The following SNX7 variants were observed in gnomAD, a reference collection of about 807,000 sequenced individuals.
SNX7 encodes sorting nexin 7.
A neutral mutation model predicts 48.4 loss-of-function variants in SNX7; 35 were observed. The observed-to-expected ratio is 0.72, with a 90% CI of 0.55 to 0.96. The LOEUF is 0.96. Among genes scored for constraint, SNX7 ranks in the 40% least tolerant of loss-of-function variants. The probability of loss-of-function intolerance (pLI) is 0.00; values close to 1 mark genes in which losing one functional copy is unlikely to be tolerated. For missense variants in SNX7, 553 were observed against 548.9 expected (o/e 1.01, Z -0.07); for synonymous variants, 190 against 190.2 (o/e 1.00, Z 0.01).
At chr1:98,663,677 C>A (rs1649392292) in intron 1 of SNX7, among the ~76,000 whole-genome samples, 1 of 152,124 alleles carries the variant, frequency 6.6e-6, no homozygotes, top group Non-Finnish European at 1.5e-5. Flanking sequence ...GAATCTAGAT[C>A]TCCATGGCTC....
intron 8 of SNX7, among the ~76,000 whole-genome samples, chr1:98,746,307 G>A (rs1366912358): frequency 6.6e-6 from 1 of 151,964 alleles, no homozygotes; most frequent in African/African-American, 2.4e-5. Context: ...GTATATTTGT[G>A]GTATACATGA....
At chr1:98,670,393 A>G (rs1649786465) in intron 1 of SNX7, among the ~76,000 whole-genome samples, 1 of 152,182 alleles carries the variant, frequency 6.6e-6, no homozygotes. Flanking sequence ...TGAATATTAG[A>G]TTGCTCACAG....
intron 1 of SNX7, among the ~76,000 whole-genome samples, chr1:98,680,111 G>T (rs1570502075): frequency 6.6e-6 from 1 of 152,228 alleles, no homozygotes; most frequent in African/African-American, 2.4e-5. Context: ...AAATCTAGGT[G>T]GAGGTTCCTA....
At chr1:98,717,688 T>C (rs1321435123) in intron 7 of SNX7, among the ~76,000 whole-genome samples, 3 of 152,240 alleles carry the variant, frequency 2.0e-5, no homozygotes, top group East Asian at 1.9e-4. Context: ...TTAGGTTAAA[T>C]TGACCTGCCT....
intron 7 of SNX7, among the ~76,000 whole-genome samples, chr1:98,716,694 C>T (rs1389309846): frequency 6.6e-6 from 1 of 152,038 alleles, no homozygotes; most frequent in African/African-American, 2.4e-5. Flanking sequence ...ACTCTGTACT[C>T]CCTGATGTAT....
At chr1:98,759,617 A>G (rs1224639416) in intron 8 of SNX7, among the ~76,000 whole-genome samples, 4 of 152,212 alleles carry the variant, frequency 2.6e-5, no homozygotes, top group South Asian at 4.1e-4. Context: ...GGTAAGTACT[A>G]TTATTAACCT....
intron 6 of SNX7, among the ~76,000 whole-genome samples, chr1:98,700,547 T>C (rs1204059482): frequency 7.0e-6 from 1 of 142,384 alleles, no homozygotes; most frequent in East Asian, 2.0e-4. Context: ...CTTCCTTTGA[T>C]TTTTTTTTTT....
intron 7 of SNX7, among the ~76,000 whole-genome samples, chr1:98,702,546 C>G (rs1172699251): frequency 6.6e-6 from 1 of 151,792 alleles, no homozygotes; most frequent in African/African-American, 2.4e-5. Context: ...ATTATTTTAC[C>G]CATGGTATTT....
chr1:98,701,942 CA>C lies in SNX7; in HGVS notation c.1125+40del, dbSNP rs745367039. The stretch of plus-strand genomic sequence containing the variant: ...TTTCTTGATACAATCATATAGAATT[CA>C]TTGTCTAAAATTTTTATTAGCAATG... On this transcript the variant is annotated intron_variant, in intron 7 of 8. Coordinates refer to ENST00000306121, the MANE Select transcript of SNX7 (RefSeq NM_015976.5). 19 of 1,421,176 alleles carry C rather than the reference CA, an allele frequency of 1.3e-5. 1 individual carries two copies. The South Asian group carries it at 2.2e-4, about 17-fold the overall frequency. The allele number at this position is 1,421,176 out of a possible 1,614,324, so 88.0% of individuals were successfully genotyped here.
In SNX7 at chr1:98,661,911, G is replaced by A; in HGVS notation, c.180G>A (p.Lys60=). Residue 60 remains lysine (K), a splice_region_variant and synonymous_variant, in exon 1 of 9, where the codon AAG becomes AAA. Coordinates refer to ENST00000306121, the MANE Select transcript of SNX7 (RefSeq NM_015976.5). ...EDEDDLEVFS[K]DASLMDMNSF... ...AGGACGACCTGGAGGTGTTCAGCAA[G>A]GTGAGGGCGGCGGCGGCGAGTCCCG... 1.6e-6 allele frequency: 2 copies of A among 1,247,108 alleles called. No individual in the cohort carries two copies. The highest frequency in any genetic ancestry group is 4.1e-5 in the South Asian group (1 of 24,334). 77.3% of individuals were successfully genotyped at this position (1,247,108 alleles called of 1,614,324 possible).
intron 7 of SNX7, among the ~76,000 whole-genome samples, chr1:98,711,555 T>C (rs1398341046): frequency 2.6e-5 from 4 of 152,220 alleles, no homozygotes; most frequent in African/African-American, 9.6e-5. Flanking sequence ...TGCCATAGCA[T>C]TATGTGTAAA....
At chr1:98,661,323 C>T (rs1477284665), upstream of SNX7, among the ~76,000 whole-genome samples, 1 of 151,198 alleles carries the variant, frequency 6.6e-6, no homozygotes, top group Non-Finnish European at 1.5e-5. Flanking sequence ...GGGTCGGGTG[C>T]CTTCCAGCCT....
In SNX7 at chr1:98,684,952, A is replaced by G; in HGVS notation, c.248A>G (p.Asn83Ser). 6.3e-7 allele frequency: 1 copy of G among 1,599,558 alleles called. No individual in the cohort carries two copies. The highest frequency in any genetic ancestry group is 8.5e-7 in the Non-Finnish European group (1 of 1,171,948). The change falls in exon 2 of 9, where the codon AAC becomes AGC. Residue 83 changes from asparagine to serine, a missense_variant. Transcript: ENST00000306121. ...CCAACATCCCCTTTATCAATGATAA[A>G]CCAAATCAAGTTTGAGGATGAACCA... ...MMPTSPLSMI[N>S]QIKFEDEPDL...
At position 98,760,456 on chromosome 1, in the gene SNX7, T is replaced by G. The variant is rs1655055534; in HGVS notation, c.*325T>G. The G allele has an allele frequency of 4.8e-6, 1 of 207,242 alleles. No individual in the cohort carries two copies. The highest frequency in any genetic ancestry group is 9.8e-5 in the East Asian group (1 of 10,188). 12.8% of individuals were successfully genotyped at this position (207,242 alleles called of 1,614,324 possible). ...ATATTTGACTGTGGAACATGCCATT[T>G]TAAATATGTTGTAAGGACTGTTTTA... On this transcript the variant is annotated 3_prime_UTR_variant, in exon 9 of 9. Coordinates refer to ENST00000306121, the MANE Select transcript of SNX7 (RefSeq NM_015976.5).
chr1:98,689,209 A>T (rs1242402088), intron 2 of SNX7, among the ~76,000 whole-genome samples: 1 of 152,142 alleles, frequency 6.6e-6, no homozygotes, highest in Non-Finnish European at 1.5e-5. Context: ...TCTTACAGTG[A>T]TCAAATTTGT....
intron 7 of SNX7, 63 bp downstream of exon 7, chr1:98,701,966 A>G (rs1041041821): frequency 3.7e-6 from 4 of 1,073,908 alleles, no homozygotes; most frequent in Admixed American, 2.0e-5. Context: ...TTTATTAGCA[A>G]TGTCCTTACA....
At chr1:98,744,972 C>T (rs905764106) in intron 8 of SNX7, among the ~76,000 whole-genome samples, 2 of 151,940 alleles carry the variant, frequency 1.3e-5, no homozygotes, top group African/African-American at 4.8e-5. Flanking sequence ...TAAAATTACC[C>T]CCAGAGAAGG....
chr1:98,690,224 A>T (rs1393731243), intron 2 of SNX7, among the ~76,000 whole-genome samples: 1 of 152,114 alleles, frequency 6.6e-6, no homozygotes, highest in African/African-American at 2.4e-5. Flanking sequence ...AATTTTTAAT[A>T]TGCAAAAATT....
chr1:98,760,202 G>A lies in SNX7; in HGVS notation c.*71G>A. On this transcript the variant is annotated 3_prime_UTR_variant, in exon 9 of 9. Transcript: ENST00000306121. Reference sequence around the variant, plus strand: ...AACCAAAGTTATTCTTTCTGGATCTGCCGTGTCCTTATAAAGTGGATGAAA... The same window carrying A: ...AACCAAAGTTATTCTTTCTGGATCTACCGTGTCCTTATAAAGTGGATGAAA... 8.2e-7 allele frequency: 1 copy of A among 1,214,058 alleles called. No individual in the cohort carries two copies. The highest frequency in any genetic ancestry group is 1.2e-5 in the South Asian group (1 of 81,776). The allele number at this position is 1,214,058 out of a possible 1,614,324, so 75.2% of individuals were successfully genotyped here. A position where few individuals can be genotyped will look rare whatever the true frequency, so the allele number is the denominator to read the frequency against.
Sources: gnomAD v4.1 joint callset for allele counts (sites outside exome capture counted in the v4.1 genomes callset) on GRCh38, gnomAD v4.1.1 for gene constraint, MANE v1.5 for transcripts, NCBI Gene and HGNC (gene_info 2026-07-23, HGNC 2026-07-21) for gene names.